CMIP: variants seen among roughly 807,000 people sequenced by gnomAD.
CMIP encodes C-Maf-inducing protein.
In CMIP, 13 loss-of-function variants were observed where a neutral mutation model predicts 97.3. The ratio of observed to expected loss-of-function variants is 0.13; its 90% CI spans 0.09 to 0.21. CMIP has a LOEUF of 0.21. CMIP is among the 10% of genes least tolerant of loss of function. CMIP has a pLI of 1.00. For missense variants in CMIP, 847 were observed against 1,024.9 expected, an observed-to-expected ratio of 0.83 and a Z score of 2.37; for synonymous variants, 538 against 436.3, an observed-to-expected ratio of 1.23 and a Z score of -2.91.
intron 1 of CMIP, among the ~76,000 whole-genome samples, chr16:81,543,766 G>T (rs767512025): frequency 1.1e-4 from 17 of 152,130 alleles, no homozygotes; most frequent in Non-Finnish European, 2.2e-4. Context: ...TTTTTATTTG[G>T]CTCAGGCAGT....
intron 1 of CMIP, among the ~76,000 whole-genome samples, chr16:81,583,927 G>C (rs1263928285): frequency 2.0e-5 from 3 of 152,196 alleles, no homozygotes; most frequent in Admixed American, 6.5e-5. Context: ...GGAATCGTTG[G>C]AAGCAGGAAA....
intron 17 of CMIP, 63 bp from the exon 18 acceptor site, chr16:81,703,876 G>A: frequency 6.5e-7 from 1 of 1,535,202 alleles, no homozygotes; most frequent in African/African-American, 1.4e-5. Context: ...TAGGGGATAG[G>A]AGGGCTCAGG....
intron 1 of CMIP, among the ~76,000 whole-genome samples, chr16:81,477,447 C>T (rs1200534191): frequency 6.6e-6 from 1 of 152,178 alleles, no homozygotes; most frequent in African/African-American, 2.4e-5. Flanking sequence ...AGGCGTGAGC[C>T]ACCGCACCTA....
intron 13 of CMIP, chr16:81,695,609 G>GCTCTGT (rs1339279019): frequency 6.6e-6 from 1 of 152,256 alleles, no homozygotes; most frequent in Non-Finnish European, 1.5e-5. Context: ...TTGCTCTCAT[G>GCTCTGT]CTCTGTCTCT....
chr16:81,482,633 T>G (rs1007084136), intron 1 of CMIP, among the ~76,000 whole-genome samples: 1 of 152,138 alleles, frequency 6.6e-6, no homozygotes, highest in Non-Finnish European at 1.5e-5. Context: ...CTCCCCCACC[T>G]AGGAGCTTCC....
intron 1 of CMIP, among the ~76,000 whole-genome samples, chr16:81,584,185 C>G (rs2091342992): frequency 6.6e-6 from 1 of 152,118 alleles, no homozygotes; most frequent in African/African-American, 2.4e-5. Flanking sequence ...CCCACCAGCA[C>G]CAGGTGGTGG....
chr16:81,486,022 G>A (rs1027840506), intron 1 of CMIP, among the ~76,000 whole-genome samples: 3 of 152,230 alleles, frequency 2.0e-5, no homozygotes, highest in Admixed American at 6.5e-5. Context: ...GAGGGGTTGG[G>A]CGTGAGAGCC....
At chr16:81,587,407 C>T (rs2150913342) in intron 1 of CMIP, among the ~76,000 whole-genome samples, 1 of 152,276 alleles carries the variant, frequency 6.6e-6, no homozygotes. Context: ...TGTGTCTGTG[C>T]CATATGTACT....
At chr16:81,551,507 A>G (rs1269485643) in intron 1 of CMIP, among the ~76,000 whole-genome samples, 1 of 152,244 alleles carries the variant, frequency 6.6e-6, no homozygotes, top group African/African-American at 2.4e-5. Flanking sequence ...AAGGAAGCAC[A>G]GAGGACCACG....
chr16:81,553,448 C>G (rs550246189), intron 1 of CMIP, among the ~76,000 whole-genome samples: 5 of 152,232 alleles, frequency 3.3e-5, no homozygotes, highest in Non-Finnish European at 7.3e-5. Flanking sequence ...CCTTCCTCCT[C>G]TCGGGCCAGA....
Position 81,445,133 on chromosome 16 carries a change from C to T in CMIP, c.-109C>T, listed in dbSNP as rs1291883624. Reference sequence around the variant, plus strand: ...CGCCCCCAGCCCCACACCCCCCCACCTTCCCGGGGGGTGGGGGGGTGCGGG... The same window carrying T: ...CGCCCCCAGCCCCACACCCCCCCACTTTCCCGGGGGGTGGGGGGGTGCGGG... On this transcript the variant is annotated 5_prime_UTR_variant, in exon 1 of 21. Coordinates refer to ENST00000537098, the MANE Select transcript of CMIP (RefSeq NM_198390.3). The T allele has an allele frequency of 1.9e-6, 1 of 540,282 alleles. No individual in the cohort carries two copies. Among genetic ancestry groups the T allele is most frequent in the Non-Finnish European group, 2.9e-6 (1 of 345,600 alleles). 33.5% of individuals were successfully genotyped at this position (540,282 alleles called of 1,614,324 possible).
chr16:81,533,626 G>A (rs761058041), intron 1 of CMIP, among the ~76,000 whole-genome samples: 6 of 152,012 alleles, frequency 3.9e-5, no homozygotes, highest in South Asian at 2.1e-4. Flanking sequence ...CTATATGCAC[G>A]TGCCGCCATG....
intron 2 of CMIP, chr16:81,619,115 C>G (rs2091960066): frequency 6.6e-6 from 1 of 152,224 alleles, no homozygotes; most frequent in Non-Finnish European, 1.5e-5. Context: ...AGACTTGAAC[C>G]TGCACCTGTA....
chr16:81,667,609 C>T (rs927970849), intron 7 of CMIP, among the ~76,000 whole-genome samples: 2 of 152,168 alleles, frequency 1.3e-5, no homozygotes, highest in Non-Finnish European at 2.9e-5. Flanking sequence ...ATAAAACCCT[C>T]GTGGTGGAAG....
intron 1 of CMIP, among the ~76,000 whole-genome samples, chr16:81,599,533 A>G (rs1230810017): frequency 1.3e-5 from 2 of 152,230 alleles, no homozygotes; most frequent in Non-Finnish European, 2.9e-5. Flanking sequence ...GGCCCCTGCC[A>G]TGCTGGTTCC....
chr16:81,658,370 G>C (rs1055505585), intron 5 of CMIP, among the ~76,000 whole-genome samples: 1 of 152,244 alleles, frequency 6.6e-6, no homozygotes, highest in African/African-American at 2.4e-5. Context: ...GCACCTGCTA[G>C]ATGGTAAGCA....
intron 1 of CMIP, among the ~76,000 whole-genome samples, chr16:81,459,205 T>C (rs1472389794): frequency 1.3e-5 from 2 of 152,202 alleles, no homozygotes; most frequent in Non-Finnish European, 1.5e-5. Context: ...GAATACCCGA[T>C]GTCAATAAAG....
chr16:81,549,894 G>A (rs2090619629), intron 1 of CMIP, among the ~76,000 whole-genome samples: 1 of 152,230 alleles, frequency 6.6e-6, no homozygotes, highest in African/African-American at 2.4e-5. Flanking sequence ...GTATTTGAAT[G>A]TGTGTGTGCA....
At chr16:81,636,942 G>A (rs543803508) in intron 3 of CMIP, among the ~76,000 whole-genome samples, 2 of 151,638 alleles carry the variant, frequency 1.3e-5, no homozygotes, top group South Asian at 4.2e-4. Flanking sequence ...ACAGCATGTT[G>A]TGCAGGTGGA....
Sources: gnomAD v4.1 joint callset for allele counts (sites outside exome capture counted in the v4.1 genomes callset) on GRCh38, gnomAD v4.1.1 for gene constraint, MANE v1.5 for transcripts, NCBI Gene and HGNC (gene_info 2026-07-23, HGNC 2026-07-21) for gene names.